The following RAD51B variants were observed in gnomAD, a reference collection of about 807,000 sequenced individuals.
The protein encoded by RAD51B is DNA repair protein RAD51 homolog 2.
In RAD51B, 38 loss-of-function variants were observed where a neutral mutation model predicts 42.2. The observed-to-expected ratio is 0.90, with a 90% CI of 0.70 to 1.18. The LOEUF (loss-of-function observed/expected upper bound fraction) is 1.18, where lower values mean the gene tolerates loss of function less well. Among genes scored for constraint, RAD51B ranks in the 50% most tolerant of loss-of-function variants. The probability of loss-of-function intolerance (pLI) is 0.00; values close to 1 mark genes in which losing one functional copy is unlikely to be tolerated. For missense variants in RAD51B, 373 were observed against 400.7 expected (o/e 0.93, Z 0.59); for synonymous variants, 154 against 145.2 (o/e 1.06, Z -0.43).
chr14:68,519,254 T>A (rs1886398464), intron 10 of RAD51B, among the ~76,000 whole-genome samples: 1 of 152,166 alleles, frequency 6.6e-6, no homozygotes, highest in Admixed American at 6.5e-5. Flanking sequence ...TTCCTAGAGA[T>A]CAGAAATGAG....
chr14:68,583,908 C>T lies in RAD51B; in HGVS notation c.1037-10577C>T, dbSNP rs73284037. Among the ~76,000 whole-genome samples the T allele has an allele frequency of 8.9e-3, 1,359 of 152,228 alleles. 20 individuals carry two copies. Among genetic ancestry groups the T allele is most frequent in the African/African-American group, 0.031 (1,291 of 41,506 alleles). On this transcript the variant is annotated intron_variant, in intron 10 of 10. Coordinates refer to the RAD51B transcript ENST00000487270. ...CTTTAACCTGTGGACACTTCACCCA[C>T]GGCTGGAGGTGAGCCAGAGCAGACT...
intron 11 of RAD51B, among the ~76,000 whole-genome samples, chr14:68,675,975 A>G (rs1893295186): frequency 2.0e-5 from 3 of 152,222 alleles, no homozygotes; most frequent in Admixed American, 2.0e-4. Flanking sequence ...GGCTATGGTG[A>G]GAAAGTCAGA....
At chr14:68,020,722 T>G (rs1007329548) in intron 7 of RAD51B, among the ~76,000 whole-genome samples, 4 of 152,196 alleles carry the variant, frequency 2.6e-5, no homozygotes, top group African/African-American at 9.6e-5. Flanking sequence ...GCTACTCAAC[T>G]GTACACTTGA....
At position 68,287,943 on chromosome 14, in the gene RAD51B, G is replaced by A. The variant is rs749831058; in HGVS notation, c.757-3941G>A. On this transcript the variant is annotated intron_variant, in intron 7 of 10. Transcript: ENST00000471583. ...TATGAAGCTTGCTCCATGTCACACA[G>A]CGAGTAAATGGTAGAGCCCAGGATC... 2.4e-4 allele frequency among the ~76,000 whole-genome samples: 37 copies of A among 152,156 alleles called. 1 individual carries two copies. Among genetic ancestry groups the A allele is most frequent in the Non-Finnish European group, 4.6e-4 (31 of 68,030 alleles).
At chr14:68,174,886 G>C (rs548693097) in intron 7 of RAD51B, among the ~76,000 whole-genome samples, 31 of 152,206 alleles carry the variant, frequency 2.0e-4, no homozygotes, top group Middle Eastern at 3.4e-3. Flanking sequence ...TTCTATTAAT[G>C]GTGAGCTCAG....
chr14:68,014,280 T>C (rs1262843193), intron 7 of RAD51B, among the ~76,000 whole-genome samples: 1 of 152,072 alleles, frequency 6.6e-6, no homozygotes, highest in African/African-American at 2.4e-5. Context: ...AAGCCCTGTT[T>C]TTTTACATTT....
chr14:68,638,626 C>T (rs2140128390), intron 10 of RAD51B, among the ~76,000 whole-genome samples: 1 of 151,812 alleles, frequency 6.6e-6, no homozygotes, highest in African/African-American at 2.4e-5. Flanking sequence ...TACCTGGGAT[C>T]TGCCTGGCCC....
chr14:68,577,915 G>A (rs2140052764), intron 10 of RAD51B, among the ~76,000 whole-genome samples: 1 of 152,358 alleles, frequency 6.6e-6, no homozygotes, highest in Admixed American at 6.5e-5. Context: ...AGGGAGAATG[G>A]TGGGTGTCCT....
intron 8 of RAD51B, among the ~76,000 whole-genome samples, chr14:68,297,734 T>C (rs1483288914): frequency 6.6e-6 from 1 of 152,208 alleles, no homozygotes; most frequent in Non-Finnish European, 1.5e-5. Context: ...AGCTTTTCCA[T>C]AGTATTTTTA....
intron 7 of RAD51B, among the ~76,000 whole-genome samples, chr14:68,105,941 T>G (rs982612645): frequency 2.6e-5 from 4 of 151,936 alleles, no homozygotes; most frequent in African/African-American, 9.7e-5. Context: ...AAATTAGCTT[T>G]TAAACCAATT....
At chr14:68,053,743 A>T (rs1031835475) in intron 7 of RAD51B, among the ~76,000 whole-genome samples, 1 of 152,180 alleles carries the variant, frequency 6.6e-6, no homozygotes. Context: ...TCCTGTAAGT[A>T]CCTGAATGTA....
At chr14:68,427,855 C>T (rs2084891423) in intron 9 of RAD51B, among the ~76,000 whole-genome samples, 1 of 152,060 alleles carries the variant, frequency 6.6e-6, no homozygotes, top group Non-Finnish European at 1.5e-5. Context: ...TTGAACATGT[C>T]CCAAAAAATA....
intron 7 of RAD51B, among the ~76,000 whole-genome samples, chr14:68,257,845 C>G (rs1043585979): frequency 6.6e-6 from 1 of 152,038 alleles, no homozygotes; most frequent in South Asian, 2.1e-4. Context: ...TCTTCCATAA[C>G]CCATGCTTTT....
At position 67,824,326 on chromosome 14, in the gene RAD51B, C is replaced by T. The variant is rs542598401; in HGVS notation, c.84+699C>T. On this transcript the variant is annotated intron_variant, in intron 2 of 10. Coordinates refer to ENST00000471583, the MANE Select transcript of RAD51B (RefSeq NM_133510.4). ...AGGCTGGAGTACAGTGGTGCCATAT[C>T]GGCTCACTGCAATCTCCTCCTCCCC... Among the ~76,000 whole-genome samples, 125 of 152,250 alleles carry T rather than the reference C, an allele frequency of 8.2e-4. 1 individual carries two copies. Among genetic ancestry groups the T allele is most frequent in the Middle Eastern group, 6.8e-3 (2 of 294 alleles).
At chr14:68,413,799 A>G (rs575899310) in intron 9 of RAD51B, among the ~76,000 whole-genome samples, 2 of 152,352 alleles carry the variant, frequency 1.3e-5, no homozygotes, top group East Asian at 3.8e-4. Context: ...GCTAACCTTT[A>G]AGGTAATTGC....
chr14:68,137,073 C>T (rs1054859362), intron 7 of RAD51B, among the ~76,000 whole-genome samples: 1 of 151,968 alleles, frequency 6.6e-6, no homozygotes, highest in Non-Finnish European at 1.5e-5. Context: ...GTCAGGAGTT[C>T]GAGAGCAGCC....
intron 8 of RAD51B, among the ~76,000 whole-genome samples, chr14:68,402,195 C>A (rs767387386): frequency 9.2e-5 from 14 of 152,214 alleles, no homozygotes; most frequent in Middle Eastern, 3.2e-3. Context: ...GCTTGTAGGT[C>A]ATCTTGAATC....
chr14:68,422,175 A>G, intron 9 of RAD51B: 1 of 1,232,754 alleles, frequency 8.1e-7, no homozygotes, highest in Non-Finnish European at 1.2e-6. Context: ...GCAAATTCAA[A>G]GAACATGGTG....
intron 10 of RAD51B, among the ~76,000 whole-genome samples, chr14:68,589,535 C>G (rs1890646108): frequency 6.6e-6 from 1 of 152,246 alleles, no homozygotes. Context: ...CTCCCTTTCT[C>G]TGCTGCTAGA....
Sources: gnomAD v4.1 joint callset for allele counts (sites outside exome capture counted in the v4.1 genomes callset) on GRCh38, gnomAD v4.1.1 for gene constraint, MANE v1.5 for transcripts, NCBI Gene and HGNC (gene_info 2026-07-23, HGNC 2026-07-21) for gene names.